SARS1: variants seen among roughly 807,000 people sequenced by gnomAD.
SARS1 encodes seryl-tRNA synthetase 1, also known as serine--tRNA ligase, cytoplasmic.
SARS1 carries 25 observed loss-of-function variants against 63.7 expected under a neutral mutation model. The ratio of observed to expected loss-of-function variants is 0.39; its 90% CI spans 0.29 to 0.55. The LOEUF is 0.55. Ranked by LOEUF, SARS1 falls within the 20% of genes least tolerant of loss-of-function variation. The pLI is 0.62. For missense variants in SARS1, 417 were observed against 649.7 expected (o/e 0.64, Z 3.89); for synonymous variants, 231 against 243.5 (o/e 0.95, Z 0.48).
At chr1:109,215,265 T>C in intron 1 of SARS1, 2 of 985,462 alleles carry the variant, frequency 2.0e-6, no homozygotes, top group Non-Finnish European at 1.2e-6. Context: ...TTTTGCCACA[T>C]TTTTTGTTTA....
chr1:109,237,351 A>G lies in SARS1; in HGVS notation c.1365A>G (p.Lys455=). 6.2e-7 allele frequency: 1 copy of G among 1,614,224 alleles called. No individual in the cohort carries two copies. The highest frequency in any genetic ancestry group is 8.5e-7 in the Non-Finnish European group (1 of 1,180,048). ...AGAAGGGCATCACTGTGCCTGAGAAATTGAAGGAGTTCATGCCGCCAGGTA... is the reference window on the plus strand; with the variant it reads ...AGAAGGGCATCACTGTGCCTGAGAAGTTGAAGGAGTTCATGCCGCCAGGTA... The part of the protein sequence containing the change: ...QTEKGITVPE[K]LKEFMPPGLQ... Residue 455 remains lysine, a synonymous_variant, in exon 10 of 11, where the codon AAA becomes AAG. Coordinates refer to ENST00000234677, the MANE Select transcript of SARS1 (RefSeq NM_006513.4). The surrounding 1 kb of genome is among the most constrained non-coding windows in gnomAD (Gnocchi z 4.1).
intron 1 of SARS1, among the ~76,000 whole-genome samples, chr1:109,219,695 A>G: frequency 6.6e-6 from 1 of 151,620 alleles, no homozygotes; most frequent in East Asian, 1.9e-4. Context: ...TTTGTATTTT[A>G]TTAGAGCTGG....
At chr1:109,226,677 A>AAAAAATATAT (rs1178056468) in intron 2 of SARS1, among the ~76,000 whole-genome samples, 21 of 44,948 alleles carry the variant, frequency 4.7e-4, no homozygotes, top group African/African-American at 1.7e-3. Flanking sequence ...AAAAAAAAAA[A>AAAAAATATAT]ATATATATAT....
At chr1:109,230,532 C>T (rs1038912796) in intron 4 of SARS1, among the ~76,000 whole-genome samples, 5 of 152,126 alleles carry the variant, frequency 3.3e-5, no homozygotes, top group East Asian at 1.9e-4. Context: ...TCAAGCTTGG[C>T]GCGGTGGCTC....
chr1:109,215,451 A>G, intron 1 of SARS1: 1 of 985,344 alleles, frequency 1.0e-6, no homozygotes. Flanking sequence ...ATAGGTGGTG[A>G]GTTCTTCAGG....
At chr1:109,219,652 A>T (rs768469621) in intron 1 of SARS1, among the ~76,000 whole-genome samples, 1 of 151,892 alleles carries the variant, frequency 6.6e-6, no homozygotes, top group South Asian at 2.1e-4. Flanking sequence ...AGCTGGGATG[A>T]CAGGCACCCA....
intron 1 of SARS1, among the ~76,000 whole-genome samples, chr1:109,221,741 G>A (rs1033244359): frequency 6.6e-6 from 1 of 151,920 alleles, no homozygotes; most frequent in African/African-American, 2.4e-5. Context: ...TAAAAACAAT[G>A]AAGGGATATA....
chr1:109,235,652 A>G lies in SARS1; in HGVS notation c.969+221A>G, dbSNP rs529067980. Reference sequence around the variant, plus strand: ...TCACCAGCTGTGTAACATTGGGCATAATGCATAAGCCCCCAGTGCTCCATT... The same window carrying G: ...TCACCAGCTGTGTAACATTGGGCATGATGCATAAGCCCCCAGTGCTCCATT... On this transcript the variant is annotated intron_variant, in intron 7 of 10. Transcript: ENST00000234677. This position sits in a 1 kb window ranked among gnomAD's most constrained non-coding sequence, Gnocchi z 4.7. Among the ~76,000 whole-genome samples the G allele has an allele frequency of 4.4e-4, 67 of 152,122 alleles. 1 individual carries two copies. Among genetic ancestry groups the G allele is most frequent in the Non-Finnish European group, 9.6e-4 (65 of 68,018 alleles).
chr1:109,216,422 G>A, intron 1 of SARS1: 1 of 985,300 alleles, frequency 1.0e-6, no homozygotes, highest in Non-Finnish European at 1.2e-6. Context: ...TCTAACTCCA[G>A]GGATTTGAAT....
chr1:109,227,215 G>C (rs1464068959), intron 2 of SARS1, among the ~76,000 whole-genome samples: 1 of 151,720 alleles, frequency 6.6e-6, no homozygotes, highest in Non-Finnish European at 1.5e-5. Flanking sequence ...GGCTGATCTT[G>C]AACTCCTGAC....
intron 1 of SARS1, among the ~76,000 whole-genome samples, chr1:109,223,353 A>G (rs1364063331): frequency 6.6e-6 from 1 of 152,220 alleles, no homozygotes; most frequent in Non-Finnish European, 1.5e-5. Context: ...ATAATTGGGC[A>G]GGTTAGTTAC....
Position 109,236,094 on chromosome 1 carries a change from A to G in SARS1, c.1087A>G (p.Asn363Asp). The G allele has an allele frequency of 6.2e-7, 1 of 1,613,604 alleles. No individual in the cohort carries two copies. Among genetic ancestry groups the G allele is most frequent in the Non-Finnish European group, 8.5e-7 (1 of 1,179,802 alleles). Reference protein sequence around the residue: ...QSLGIPYHIVNIVSGSLNHAA... With the variant: ...QSLGIPYHIVDIVSGSLNHAA... The stretch of plus-strand genomic sequence containing the variant: ...CCTGGGGATTCCTTACCACATTGTG[A>G]ATATTGTCTCAGGTATGGGACCCAG... The change falls in exon 8 of 11, where the codon AAT becomes GAT. Residue 363 changes from asparagine (N) to aspartate (D), a missense_variant. Asn to Asp is a conservative substitution (Grantham distance 23, BLOSUM62 1). This residue lies in a region of SARS1 where 359 missense variants were observed against 529.6 expected (regional missense o/e 0.68). Transcript: ENST00000234677.
Position 109,237,982 on chromosome 1 carries a change from C to A in SARS1, c.*94C>A. ...CAGGGAAGCCAAGCACCCATTCATC[C>A]CCCTGCCCCCATCTGACTGCGTAGC... is the stretch of plus-strand genomic sequence containing the variant. On this transcript the variant is annotated 3_prime_UTR_variant, in exon 11 of 11. Transcript: ENST00000234677. This position sits in a 1 kb window ranked among gnomAD's most constrained non-coding sequence, Gnocchi z 4.1. 7.2e-7 allele frequency: 1 copy of A among 1,396,842 alleles called. No individual in the cohort carries two copies. Among genetic ancestry groups the A allele is most frequent in the Non-Finnish European group, 9.9e-7 (1 of 1,014,108 alleles). 86.5% of individuals were successfully genotyped at this position (1,396,842 alleles called of 1,614,324 possible).
At chr1:109,223,718 C>T (rs1490983814) in intron 1 of SARS1, among the ~76,000 whole-genome samples, 7 of 152,274 alleles carry the variant, frequency 4.6e-5, no homozygotes, top group African/African-American at 7.2e-5. Flanking sequence ...GCAGGAGAAC[C>T]GCTTGAACCT....
rs763547909 is a variant in SARS1, at chr1:109,213,960, G to A, written c.-33G>A. 1 of 1,591,228 alleles carries A rather than the reference G, an allele frequency of 6.3e-7. No homozygotes were observed. The highest frequency in any genetic ancestry group is 1.3e-5 in the African/African-American group (1 of 74,154). ...GGCTGAGTGCTGCGGCGCGATCCTT[G>A]CTTCCCTGAGCGTTGGCCCGGGAGG... On this transcript the variant is annotated 5_prime_UTR_variant, in exon 1 of 11. Transcript: ENST00000234677.
At chr1:109,220,013 T>C (rs1654895091) in intron 1 of SARS1, among the ~76,000 whole-genome samples, 1 of 152,120 alleles carries the variant, frequency 6.6e-6, no homozygotes, top group Non-Finnish European at 1.5e-5. Flanking sequence ...CTAGAGACTC[T>C]TTTTTAAAAA....
chr1:109,213,956 C>T lies in SARS1; in HGVS notation c.-37C>T, dbSNP rs1401716789. On this transcript the variant is annotated 5_prime_UTR_variant, in exon 1 of 11. Coordinates refer to ENST00000234677, the MANE Select transcript of SARS1 (RefSeq NM_006513.4). ...CACAGGCTGAGTGCTGCGGCGCGAT[C>T]CTTGCTTCCCTGAGCGTTGGCCCGG... is the stretch of plus-strand genomic sequence containing the variant. The T allele has an allele frequency of 5.1e-6, 8 of 1,579,914 alleles. No homozygotes were observed. The highest frequency in any genetic ancestry group is 1.4e-5 in the African/African-American group (1 of 73,498).
In SARS1 at chr1:109,214,612, G is replaced by A; in HGVS notation, c.136+484G>A. The A allele has an allele frequency of 1.0e-6, 1 of 985,926 alleles. No homozygotes were observed. The highest frequency in any genetic ancestry group is 1.2e-6 in the Non-Finnish European group (1 of 830,232). The allele number at this position is 985,926 out of a possible 1,614,324, so 61.1% of individuals were successfully genotyped here. ...CAGTAGATTCATTCCTTCGGTATCG[G>A]AAGCATTTCGGGGCGTTGGAGGCCG... is the stretch of plus-strand genomic sequence containing the variant. On this transcript the variant is annotated intron_variant, in intron 1 of 10. Transcript: ENST00000234677. The surrounding 1 kb of genome is among the most constrained non-coding windows in gnomAD (Gnocchi z 4.6).
rs986210226 is a variant in SARS1 at position 109,229,411 on chromosome 1, C to T, written c.289-3C>T. On this transcript the variant is annotated splice_region_variant and splice_polypyrimidine_tract_variant and intron_variant, in intron 3 of 10. Transcript: ENST00000234677. The stretch of plus-strand genomic sequence containing the variant: ...CTTATGGGCCTGGCCTGTTCATCTG[C>T]AGAACCTGAAAGTCTCACAAATCAA... 15 of 1,613,590 alleles carry T rather than the reference C, an allele frequency of 9.3e-6. No homozygotes were observed. Among genetic ancestry groups the T allele is most frequent in the Middle Eastern group, 1.6e-4 (1 of 6,082 alleles).
Sources: gnomAD v4.1 joint callset for allele counts (sites outside exome capture counted in the v4.1 genomes callset) on GRCh38, gnomAD v4.1.1 for gene constraint, gnomAD v4.1.1 regional missense constraint, Gnocchi (gnomAD v3.1) non-coding constraint, MANE v1.5 for transcripts, NCBI Gene and HGNC (gene_info 2026-07-23, HGNC 2026-07-21) for gene names.